TNKS: variants seen among roughly 807,000 people sequenced by gnomAD.
The protein encoded by TNKS is poly [ADP-ribose] polymerase tankyrase-1.
In TNKS, 72 loss-of-function variants were observed where a neutral mutation model predicts 135.8. That is an observed-to-expected ratio of 0.53 (90% CI 0.44 to 0.64). The LOEUF (loss-of-function observed/expected upper bound fraction) is 0.64. TNKS is among the 30% of genes least tolerant of loss of function. TNKS has a pLI of 0.00. For missense variants in TNKS, 1,769 were observed against 1,674.0 expected (o/e 1.06, Z -0.99); for synonymous variants, 849 against 649.3 (o/e 1.31, Z -4.68).
At chr8:9,733,494 G>T (rs192974250) in intron 15 of TNKS, 50 bp downstream of exon 15, 2 of 1,507,654 alleles carry the variant, frequency 1.3e-6, no homozygotes, top group East Asian at 2.5e-5. Flanking sequence ...TTTATATTTT[G>T]GTTATTACTT....
At chr8:9,603,540 T>G (rs1004144591) in intron 2 of TNKS, among the ~76,000 whole-genome samples, 7 of 152,194 alleles carry the variant, frequency 4.6e-5, no homozygotes, top group African/African-American at 1.7e-4. Context: ...AACCATTACT[T>G]CTAAACTTTT....
chr8:9,676,406 C>G (rs965986747), intron 3 of TNKS, among the ~76,000 whole-genome samples: 2 of 152,134 alleles, frequency 1.3e-5, no homozygotes, highest in African/African-American at 4.8e-5. Context: ...AACCAAATGA[C>G]TTATTTTTAC....
At chr8:9,659,064 G>A (rs1801567863) in intron 3 of TNKS, among the ~76,000 whole-genome samples, 4 of 152,138 alleles carry the variant, frequency 2.6e-5, no homozygotes, top group Admixed American at 2.6e-4. Flanking sequence ...ACTCAATACA[G>A]GAGCACCCAG....
chr8:9,717,103 T>TATATATATATGTATA lies in TNKS; in HGVS notation c.1750-3271_1750-3270insATATATATATGTATA, dbSNP rs1554476739. Among the ~76,000 whole-genome samples, 23 of 39,326 alleles carry TATATATATATGTATA rather than the reference T, an allele frequency of 5.8e-4. 1 individual carries two copies. Among genetic ancestry groups the TATATATATATGTATA allele is most frequent in the African/African-American group, 1.8e-3 (23 of 12,474 alleles). The allele number at this position is 39,326 out of a possible 152,430, so 25.8% of individuals were successfully genotyped here. ...TATATATATATATATATATATATAT[T>TATATATATATGTATA]TTCAGGGAATTTGATTGTTTCTTTT... On this transcript the variant is annotated intron_variant, in intron 11 of 26. Transcript: ENST00000310430.
chr8:9,731,655 TTC>T, intron 14 of TNKS, among the ~76,000 whole-genome samples: 1 of 151,506 alleles, frequency 6.6e-6, no homozygotes, highest in African/African-American at 2.4e-5. Context: ...TGGTGGTGCC[TTC>T]CTATATGGTC....
At chr8:9,697,937 A>G (rs1170023241) in intron 5 of TNKS, among the ~76,000 whole-genome samples, 1 of 152,240 alleles carries the variant, frequency 6.6e-6, no homozygotes, top group Non-Finnish European at 1.5e-5. Flanking sequence ...CATACCAAAA[A>G]GATACATGAA....
At chr8:9,642,062 CT>C (rs1800750754) in intron 3 of TNKS, among the ~76,000 whole-genome samples, 1 of 146,092 alleles carries the variant, frequency 6.8e-6, no homozygotes, top group Admixed American at 7.2e-5. Context: ...TGGCTTAAAT[CT>C]TTTAAGTTTA....
rs1222848661 is a variant in TNKS, at chr8:9,652,321, A to C, written c.995-27630A>C. Among the ~76,000 whole-genome samples, 3 of 152,202 alleles carry C rather than the reference A, an allele frequency of 2.0e-5. No homozygotes were observed. In the East Asian group the frequency reaches 5.8e-4, roughly 29 times the overall value. On this transcript the variant is annotated intron_variant, in intron 3 of 26. Coordinates refer to ENST00000310430, the MANE Select transcript of TNKS (RefSeq NM_003747.3). ...TCTATCTTTTTTGGTATAGAGGAGA[A>C]AGGAAAGTTGATCTGCATGATTTTT...
chr8:9,593,182 C>A (rs910280940), intron 2 of TNKS, among the ~76,000 whole-genome samples: 1 of 152,070 alleles, frequency 6.6e-6, no homozygotes, highest in Admixed American at 6.6e-5. Context: ...ATAGTTGATA[C>A]GTAATATTGT....
At chr8:9,565,340 C>T (rs1384831738) in intron 1 of TNKS, among the ~76,000 whole-genome samples, 1 of 151,968 alleles carries the variant, frequency 6.6e-6, no homozygotes, top group Non-Finnish European at 1.5e-5. Context: ...TTTTCTCTAT[C>T]CCTTTTGCCT....
chr8:9,684,512 A>G (rs1802906965), intron 5 of TNKS, among the ~76,000 whole-genome samples: 1 of 152,052 alleles, frequency 6.6e-6, no homozygotes, highest in Non-Finnish European at 1.5e-5. Flanking sequence ...AATGTCCAAA[A>G]TTATCCATTC....
At chr8:9,682,973 C>A (rs2128798315) in intron 5 of TNKS, among the ~76,000 whole-genome samples, 1 of 151,684 alleles carries the variant, frequency 6.6e-6, no homozygotes, top group South Asian at 2.1e-4. Context: ...TGTACTCATA[C>A]TTTTTTAGAT....
At chr8:9,725,190 A>G (rs752181209) in intron 12 of TNKS, among the ~76,000 whole-genome samples, 1 of 152,154 alleles carries the variant, frequency 6.6e-6, no homozygotes, top group Non-Finnish European at 1.5e-5. Flanking sequence ...CCAAAAAAAG[A>G]GCTAAGATTT....
At chr8:9,623,668 A>G (rs1409644813) in intron 3 of TNKS, among the ~76,000 whole-genome samples, 1 of 152,192 alleles carries the variant, frequency 6.6e-6, no homozygotes, top group Non-Finnish European at 1.5e-5. Flanking sequence ...AAAGTGCAAT[A>G]AAATGAGGTA....
chr8:9,777,015 C>T lies in TNKS; in HGVS notation c.*279C>T, dbSNP rs1339909455. On this transcript the variant is annotated 3_prime_UTR_variant, in exon 27 of 27. Coordinates refer to ENST00000310430, the MANE Select transcript of TNKS (RefSeq NM_003747.3). ...ATCCATTTCTAAAACAAGATTGCTT[C>T]GATCTAGACTTGGAAATGGAAAATA... 5.2e-6 allele frequency: 2 copies of T among 386,172 alleles called. No individual in the cohort carries two copies. The highest frequency in any genetic ancestry group is 4.2e-5 in the Admixed American group (1 of 23,836). 23.9% of individuals were successfully genotyped at this position (386,172 alleles called of 1,614,324 possible). A position where few individuals can be genotyped will look rare whatever the true frequency, so the allele number is the denominator to read the frequency against.
intron 1 of TNKS, among the ~76,000 whole-genome samples, chr8:9,578,138 A>C (rs1489368167): frequency 6.6e-6 from 1 of 152,112 alleles, no homozygotes. Context: ...GCTTTGCAGG[A>C]GTCAGCTCCC....
At chr8:9,635,521 A>G (rs1800476253) in intron 3 of TNKS, among the ~76,000 whole-genome samples, 1 of 152,202 alleles carries the variant, frequency 6.6e-6, no homozygotes, top group Non-Finnish European at 1.5e-5. Flanking sequence ...AAGTTTGATG[A>G]GCAGCTGTAT....
At chr8:9,682,306 A>C (rs1802816142) in intron 5 of TNKS, among the ~76,000 whole-genome samples, 1 of 152,062 alleles carries the variant, frequency 6.6e-6, no homozygotes, top group African/African-American at 2.4e-5. Flanking sequence ...GCCGGAGTCG[A>C]TTTCTGTCAC....
chr8:9,657,453 G>C, intron 3 of TNKS, among the ~76,000 whole-genome samples: 2 of 98,350 alleles, frequency 2.0e-5, no homozygotes, highest in Non-Finnish European at 4.4e-5. Flanking sequence ...CTCCCGGACA[G>C]GGCGGCTGGC....
Sources: gnomAD v4.1 joint callset for allele counts (sites outside exome capture counted in the v4.1 genomes callset) on GRCh38, gnomAD v4.1.1 for gene constraint, MANE v1.5 for transcripts, NCBI Gene and HGNC (gene_info 2026-07-23, HGNC 2026-07-21) for gene names.